FABP3: variants seen among roughly 807,000 people sequenced by gnomAD.
FABP3 encodes the protein fatty acid-binding protein, heart.
Under a neutral mutation model 13.4 loss-of-function variants are expected in FABP3, and 8 were observed. The ratio of observed to expected loss-of-function variants is 0.60; its 90% confidence interval spans 0.35 to 1.07. The LOEUF (loss-of-function observed/expected upper bound fraction) is 1.07. Among genes scored for constraint, FABP3 ranks in the 50% least tolerant of loss-of-function variants. FABP3 has a pLI of 0.02. For missense variants in FABP3, 135 were observed against 164.7 expected (o/e 0.82, Z 0.99); for synonymous variants, 64 against 60.0 (o/e 1.07, Z -0.31).
chr1:31,372,998 A>C lies in FABP3; in HGVS notation c.17T>G (p.Leu6Arg). Residue 6 changes from leucine to arginine, a missense_variant, in exon 1 of 4, where the codon CTG (leucine) becomes CGG (arginine). Leu to Arg is a moderately radical substitution (Grantham distance 102). Transcript: ENST00000373713. The stretch of plus-strand genomic sequence containing the variant: ...GCTGTCCACTAGCTTCCAGGTGCCC[A>C]GGAAAGCGTCCACCATAGTGATGCT... Reference protein sequence around the residue: MVDAFLGTWKLVDSKN... With the variant: MVDAFRGTWKLVDSKN... 1.9e-6 allele frequency: 3 copies of C among 1,614,084 alleles called. No homozygotes were observed. The highest frequency in any genetic ancestry group is 1.7e-6 in the Non-Finnish European group (2 of 1,180,036).
At chr1:31,367,626 A>G in intron 2 of FABP3, 132 bp from the exon 3 acceptor site, 1 of 738,184 alleles carries the variant, frequency 1.4e-6, no homozygotes, top group Non-Finnish European at 2.4e-6. Context: ...ACAAGAGCTC[A>G]GGCAATCCGC....
At chr1:31,372,032 C>G (rs1640218273) in intron 1 of FABP3, among the ~76,000 whole-genome samples, 1 of 152,092 alleles carries the variant, frequency 6.6e-6, no homozygotes, top group Non-Finnish European at 1.5e-5. Flanking sequence ...TTTCAGTTTC[C>G]CTGTTGAACT....
At chr1:31,371,809 G>T (rs1431868683) in intron 1 of FABP3, among the ~76,000 whole-genome samples, 1 of 152,212 alleles carries the variant, frequency 6.6e-6, no homozygotes, top group Non-Finnish European at 1.5e-5. Flanking sequence ...CCAAGATAGG[G>T]TAGAGGCCGT....
Sources: allele counts gnomAD v4.1 joint callset (sites outside exome capture counted in the v4.1 genomes callset), GRCh38; gene constraint gnomAD v4.1.1; transcripts MANE v1.5; gene names NCBI Gene and HGNC (gene_info 2026-07-23, HGNC 2026-07-21).